The following SP4 variants were observed in gnomAD, a reference collection of about 807,000 sequenced individuals.
SP4 encodes transcription factor Sp4.
Under a neutral mutation model 72.8 loss-of-function variants are expected in SP4, and 19 were observed. The ratio of observed to expected loss-of-function variants is 0.26; its 90% CI spans 0.18 to 0.38. SP4 has a LOEUF of 0.38. SP4 is among the 10% of genes least tolerant of loss of function. The pLI is 1.00. For synonymous variants in SP4, 395 were observed against 333.1 expected (o/e 1.19, Z -2.02); for missense variants, 1,008 against 926.3 (o/e 1.09, Z -1.14).
chr7:21,459,084 A>G (rs6958382), intron 3 of SP4, among the ~76,000 whole-genome samples: 8,562 of 151,698 alleles, frequency 0.056, 244 homozygotes, highest in African/African-American at 0.065. Context: ...AAACTTCTAT[A>G]GAATTAAAGC....
Position 21,502,048 on chromosome 7 carries a change from C to G in SP4, c.2108-8974C>G, listed in dbSNP as rs903081212. Among the ~76,000 whole-genome samples the G allele has an allele frequency of 5.2e-5, 6 of 115,648 alleles. No homozygotes were observed. In the South Asian group the frequency reaches 1.3e-3, roughly 26 times the overall value. The allele number at this position is 115,648 out of a possible 152,430, so 75.9% of individuals were successfully genotyped here. A position where few individuals can be genotyped will look rare whatever the true frequency, so the allele number is the denominator to read the frequency against. On this transcript the variant is annotated intron_variant, in intron 5 of 5. Transcript: ENST00000222584. ...CCTTAAATTCATTAGGCACCCCCCCCCCCCCGGAACTCCTATAGAGTTAAC... is the reference window on the plus strand; with the variant it reads ...CCTTAAATTCATTAGGCACCCCCCCGCCCCCGGAACTCCTATAGAGTTAAC...
intron 3 of SP4, among the ~76,000 whole-genome samples, chr7:21,451,045 T>C (rs1222068808): frequency 6.6e-6 from 1 of 152,222 alleles, no homozygotes; most frequent in Non-Finnish European, 1.5e-5. Context: ...TGCATGATTC[T>C]TCCCTTGGGT....
chr7:21,505,205 CA>C lies in SP4; in HGVS notation c.2108-5814del, dbSNP rs570986835. Among the ~76,000 whole-genome samples, 1,127 of 152,292 alleles carry C rather than the reference CA, an allele frequency of 7.4e-3. 7 individuals are homozygous for C. Among genetic ancestry groups the C allele is most frequent in the Non-Finnish European group, 0.013 (859 of 68,012 alleles). On this transcript the variant is annotated intron_variant, in intron 5 of 5. Coordinates refer to ENST00000222584, the MANE Select transcript of SP4 (RefSeq NM_003112.5). Reference sequence around the variant, plus strand: ...TTTGGAGTTCTCTTTTTGTCTTAGGCAAAGGCAGACCCACTATTCCCAGTAT... The same window carrying C: ...TTTGGAGTTCTCTTTTTGTCTTAGGCAAGGCAGACCCACTATTCCCAGTAT...
intron 3 of SP4, among the ~76,000 whole-genome samples, chr7:21,475,242 G>A (rs1784465599): frequency 6.6e-6 from 1 of 151,718 alleles, no homozygotes; most frequent in Non-Finnish European, 1.5e-5. Flanking sequence ...AGCTTCCCAA[G>A]TAGCTGGGAC....
chr7:21,458,598 C>G (rs1229756777), intron 3 of SP4, among the ~76,000 whole-genome samples: 1 of 152,076 alleles, frequency 6.6e-6, no homozygotes, highest in Non-Finnish European at 1.5e-5. Flanking sequence ...ACAGAAATGC[C>G]AAAAGTCATT....
chr7:21,499,967 A>G (rs1781822913), intron 5 of SP4, among the ~76,000 whole-genome samples: 1 of 152,202 alleles, frequency 6.6e-6, no homozygotes, highest in Admixed American at 6.5e-5. Flanking sequence ...CCAATCTATC[A>G]TTCCATTTGA....
intron 3 of SP4, among the ~76,000 whole-genome samples, chr7:21,468,728 T>C (rs1311836213): frequency 2.0e-5 from 3 of 152,122 alleles, no homozygotes; most frequent in Admixed American, 2.0e-4. Flanking sequence ...TTATTTCTTA[T>C]ATAGATCTGT....
Position 21,478,099 on chromosome 7 carries a change from C to T in SP4, c.1907+792C>T, listed in dbSNP as rs148997953. Among the ~76,000 whole-genome samples the T allele has an allele frequency of 8.6e-3, 1,317 of 152,270 alleles. 21 individuals carry two copies. The highest frequency in any genetic ancestry group is 0.03 in the African/African-American group (1,249 of 41,566). On this transcript the variant is annotated intron_variant, in intron 4 of 5. Transcript: ENST00000222584. ...TTCTGTCTTTATAGATTTGCCTTTT[C>T]TGGACAATTCATATAAATGGAATCA...
At chr7:21,471,682 A>G (rs1038100499) in intron 3 of SP4, among the ~76,000 whole-genome samples, 7 of 152,034 alleles carry the variant, frequency 4.6e-5, no homozygotes, top group Non-Finnish European at 8.8e-5. Context: ...AGAATTTTAA[A>G]AATTAACTAG....
At chr7:21,451,986 T>A (rs563130228) in intron 3 of SP4, among the ~76,000 whole-genome samples, 1 of 152,210 alleles carries the variant, frequency 6.6e-6, no homozygotes, top group African/African-American at 2.4e-5. Context: ...AATTAGAATA[T>A]TGACCCAGAT....
chr7:21,465,704 C>G (rs557988838), intron 3 of SP4, among the ~76,000 whole-genome samples: 1 of 152,118 alleles, frequency 6.6e-6, no homozygotes, highest in East Asian at 1.9e-4. Context: ...AAGACCTTGT[C>G]ACAATAAAAA....
chr7:21,461,374 C>T (rs532974649), intron 3 of SP4, among the ~76,000 whole-genome samples: 71 of 152,322 alleles, frequency 4.7e-4, no homozygotes, highest in South Asian at 3.7e-3. Flanking sequence ...ATCCTGAGCC[C>T]TGCCTCGCGG....
At chr7:21,488,660 T>C (rs1025258397) in intron 5 of SP4, among the ~76,000 whole-genome samples, 58 of 152,028 alleles carry the variant, frequency 3.8e-4, no homozygotes, top group African/African-American at 1.4e-3. Flanking sequence ...CTCAGGAGGC[T>C]GAGGCGGGAG....
chr7:21,476,528 CA>C (rs1217669497), intron 3 of SP4, among the ~76,000 whole-genome samples: 1 of 151,946 alleles, frequency 6.6e-6, no homozygotes, highest in Non-Finnish European at 1.5e-5. Flanking sequence ...TTTTGCATTT[CA>C]AAAACCACTT....
chr7:21,510,797 G>A (rs1365227858), intron 5 of SP4, among the ~76,000 whole-genome samples: 1 of 152,176 alleles, frequency 6.6e-6, no homozygotes, highest in Non-Finnish European at 1.5e-5. Flanking sequence ...TTTATTTCCA[G>A]TTCATAGCAG....
intron 3 of SP4, among the ~76,000 whole-genome samples, chr7:21,472,769 T>A (rs752764297): frequency 6.8e-6 from 1 of 147,324 alleles, no homozygotes; most frequent in Non-Finnish European, 1.5e-5. Flanking sequence ...GAGACCCCCA[T>A]CTCTTAAAAA....
chr7:21,481,447 T>C (rs916906495), intron 4 of SP4, among the ~76,000 whole-genome samples: 1 of 152,240 alleles, frequency 6.6e-6, no homozygotes, highest in African/African-American at 2.4e-5. Flanking sequence ...TTTGCTGTTA[T>C]TTGCTTTTAG....
At chr7:21,467,761 A>G (rs757671062) in intron 3 of SP4, among the ~76,000 whole-genome samples, 2 of 152,158 alleles carry the variant, frequency 1.3e-5, no homozygotes, top group African/African-American at 2.4e-5. Flanking sequence ...GTTAAGAATC[A>G]TTTTAGTATT....
intron 3 of SP4, among the ~76,000 whole-genome samples, chr7:21,451,252 C>A (rs1410419139): frequency 6.6e-6 from 1 of 152,200 alleles, no homozygotes; most frequent in African/African-American, 2.4e-5. Flanking sequence ...GAGATCTTAT[C>A]AGGAAGCTGC....
Sources: allele counts gnomAD v4.1 joint callset (sites outside exome capture counted in the v4.1 genomes callset), GRCh38; gene constraint gnomAD v4.1.1; transcripts MANE v1.5; gene names NCBI Gene and HGNC (gene_info 2026-07-23, HGNC 2026-07-21).